IGFN1: variants seen among roughly 807,000 people sequenced by gnomAD.
The protein encoded by IGFN1 is immunoglobulin like and fibronectin type III domain containing 1.
IGFN1 carries 253 observed loss-of-function variants against 289.5 expected under a neutral mutation model. The ratio of observed to expected loss-of-function variants is 0.87; its 90% CI spans 0.79 to 0.97. IGFN1 has a LOEUF of 0.97. Among genes scored for constraint, IGFN1 ranks in the 50% least tolerant of loss-of-function variants. The probability of loss-of-function intolerance (pLI) is 0.00; values close to 1 mark genes in which losing one functional copy is unlikely to be tolerated. For missense variants in IGFN1, 4,470 were observed against 4,686.1 expected (o/e 0.95, Z 1.35); for synonymous variants, 1,706 against 1,788.5 (o/e 0.95, Z 1.16).
In IGFN1 at chr1:201,212,066, A is replaced by T; in HGVS notation, c.7173A>T (p.Gly2391=). 1 of 1,536,346 alleles carries T rather than the reference A, an allele frequency of 6.5e-7. No individual in the cohort carries two copies. Among genetic ancestry groups the T allele is most frequent in the Non-Finnish European group, 8.7e-7 (1 of 1,146,754 alleles). The part of the protein sequence containing the change: ...RGHKAMGHRS[G]YWVASEGDTN... ...ATAAAGCCATGGGTCACAGGTCAGG[A>T]TATTGGGTAGCATCAGAGGGTGACA... Residue 2391 remains glycine, a synonymous_variant, in exon 12 of 24, where the codon GGA becomes GGT. Transcript: ENST00000335211.
In IGFN1 at chr1:201,209,490, G is replaced by T. The variant is rs1245966395; in HGVS notation, c.4597G>T (p.Asp1533Tyr). Reference sequence around the variant, plus strand: ...TGTGGATAAGGCAGGCTATAGGAAGGATTTGGGGGCTTCTGAGGCAATAGG... The same window carrying T: ...TGTGGATAAGGCAGGCTATAGGAAGTATTTGGGGGCTTCTGAGGCAATAGG... ...GSVDKAGYRK[D>Y]LGASEAIGSG... Residue 1533 changes from aspartate (D) to tyrosine (Y), a missense_variant, in exon 12 of 24, where the codon GAT becomes TAT. Asp to Tyr is a radical substitution (Grantham distance 160). This residue lies in a region of IGFN1 where 2,011 missense variants were observed against 1,953.4 expected (regional missense o/e 1.03). Transcript: ENST00000335211. The T allele has an allele frequency of 4.6e-6, 7 of 1,536,886 alleles. No individual in the cohort carries two copies. Among genetic ancestry groups the T allele is most frequent in the Admixed American group, 2.0e-5 (1 of 50,982 alleles).
Position 201,209,042 on chromosome 1 carries a change from G to T in IGFN1, c.4149G>T (p.Gly1383=). ...AAACAGATAATAGGAAAGATTTGGG[G>T]GTTCCTGAGGGAATGGGTGCAGGTT... ...MDETDNRKDL[G]VPEGMGAGYR... Residue 1383 remains glycine, a synonymous_variant, in exon 12 of 24, where the codon GGG becomes GGT. Transcript: ENST00000335211. 1 of 1,536,744 alleles carries T rather than the reference G, an allele frequency of 6.5e-7. No individual in the cohort carries two copies. Among genetic ancestry groups the T allele is most frequent in the East Asian group, 2.4e-5 (1 of 40,886 alleles).
At position 201,222,834 on chromosome 1, in the gene IGFN1, G is replaced by A. The variant is rs759227022; in HGVS notation, c.10290+7G>A. 1.9e-6 allele frequency: 3 copies of A among 1,604,598 alleles called. No individual in the cohort carries two copies. Among genetic ancestry groups the A allele is most frequent in the South Asian group, 1.1e-5 (1 of 90,332 alleles). Reference sequence around the variant, plus strand: ...TGTGCCCGTCTCCTTTGAAGTGAGTGTACCTGCAGGGGTGTGGGGAGGGAA... The same window carrying A: ...TGTGCCCGTCTCCTTTGAAGTGAGTATACCTGCAGGGGTGTGGGGAGGGAA... On this transcript the variant is annotated splice_region_variant and intron_variant, in intron 20 of 23. Coordinates refer to ENST00000335211, the MANE Select transcript of IGFN1 (RefSeq NM_001164586.2).
At chr1:201,223,066 A>G in intron 20 of IGFN1, 2 of 378,212 alleles carry the variant, frequency 5.3e-6, no homozygotes, top group Non-Finnish European at 9.5e-6. Flanking sequence ...CAGGCCTGCA[A>G]ATCCCTCTAG....
rs536703268 is a variant in IGFN1, at chr1:201,228,489, C to A, written c.*90C>A. Reference sequence around the variant, plus strand: ...GGGAAGCCAATCCCAAGGATGGAGGCTGTGCCCAGAGCCCCAGGAAAATGG... The same window carrying A: ...GGGAAGCCAATCCCAAGGATGGAGGATGTGCCCAGAGCCCCAGGAAAATGG... On this transcript the variant is annotated 3_prime_UTR_variant, in exon 24 of 24. Transcript: ENST00000335211. 2 of 1,380,756 alleles carry A rather than the reference C, an allele frequency of 1.4e-6. No individual in the cohort carries two copies. Among genetic ancestry groups the A allele is most frequent in the Non-Finnish European group, 2.1e-6 (2 of 967,428 alleles). The allele number at this position is 1,380,756 out of a possible 1,614,324, so 85.5% of individuals were successfully genotyped here. A position where few individuals can be genotyped will look rare whatever the true frequency, so the allele number is the denominator to read the frequency against.
rs1250464068 is a variant in IGFN1, at chr1:201,206,327, A to C, written c.1434A>C (p.Thr478=). 76 of 1,550,264 alleles carry C rather than the reference A, an allele frequency of 4.9e-5. No homozygotes were observed. Among genetic ancestry groups the C allele is most frequent in the Non-Finnish European group, 6.5e-5 (74 of 1,146,982 alleles). The change falls in exon 12 of 24, where the codon ACA becomes ACC. Residue 478 remains threonine (T), a synonymous_variant. Coordinates refer to ENST00000335211, the MANE Select transcript of IGFN1 (RefSeq NM_001164586.2). ...HGYSLMGDKG[T]ADSAWGPGQE... ...ACTCCTTGATGGGGGACAAAGGGAC[A>C]GCTGACTCAGCCTGGGGCCCTGGAC...
At chr1:201,193,731 C>A (rs1034595202) in intron 2 of IGFN1, among the ~76,000 whole-genome samples, 3 of 152,182 alleles carry the variant, frequency 2.0e-5, no homozygotes, top group African/African-American at 7.2e-5. Flanking sequence ...GGATTACTGG[C>A]GTAAGCCACC....
Position 201,211,966 on chromosome 1 carries a change from A to T in IGFN1, c.7073A>T (p.Tyr2358Phe). 4 of 1,533,882 alleles carry T rather than the reference A, an allele frequency of 2.6e-6. No individual in the cohort carries two copies. Among genetic ancestry groups the T allele is most frequent in the Non-Finnish European group, 3.5e-6 (4 of 1,145,370 alleles). ...GETGPEGKMG[Y>F]GDGSGRLGVP... ...ACGGGACCAGAGGGTAAGATGGGTT[A>T]TGGAGATGGTTCAGGGAGGCTTGGA... The change falls in exon 12 of 24, where the codon TAT (tyrosine) becomes TTT (phenylalanine). Residue 2358 changes from tyrosine (Y) to phenylalanine (F), a missense_variant. Coordinates refer to ENST00000335211, the MANE Select transcript of IGFN1 (RefSeq NM_001164586.2).
At position 201,228,595 on chromosome 1, in the gene IGFN1, C is replaced by A. The variant is rs1477704331; in HGVS notation, c.*196C>A. On this transcript the variant is annotated 3_prime_UTR_variant, in exon 24 of 24. Transcript: ENST00000335211. Reference sequence around the variant, plus strand: ...AGAAAAACAAGGGAGGAGGGCATTCCACCTCCTGGCTCCAAGCTAAGTCAC... The same window carrying A: ...AGAAAAACAAGGGAGGAGGGCATTCAACCTCCTGGCTCCAAGCTAAGTCAC... 3 of 633,380 alleles carry A rather than the reference C, an allele frequency of 4.7e-6. No homozygotes were observed. Among genetic ancestry groups the A allele is most frequent in the Non-Finnish European group, 8.5e-6 (3 of 351,122 alleles). 39.2% of individuals were successfully genotyped at this position (633,380 alleles called of 1,614,324 possible).
chr1:201,204,150 A>G lies in IGFN1; in HGVS notation c.916+244A>G, dbSNP rs116578944. Among the ~76,000 whole-genome samples, 305 of 152,308 alleles carry G rather than the reference A, an allele frequency of 2.0e-3. 1 individual carries two copies. Among genetic ancestry groups the G allele is most frequent in the African/African-American group, 7.0e-3 (291 of 41,558 alleles). ...TGAATTACTGTCACAGACATAGAAC[A>G]TATGTGTCATGCCTCTGCTTAGACC... is the stretch of plus-strand genomic sequence containing the variant. On this transcript the variant is annotated intron_variant, in intron 10 of 23. Coordinates refer to ENST00000335211, the MANE Select transcript of IGFN1 (RefSeq NM_001164586.2).
chr1:201,211,892 G>A lies in IGFN1; in HGVS notation c.6999G>A (p.Gly2333=), dbSNP rs763203515. ...GCTTTGGGGGAACTAGTGGCATGGGGTCAGGGAGTGAGGTCAGTTATAGAG... is the reference window on the plus strand; with the variant it reads ...GCTTTGGGGGAACTAGTGGCATGGGATCAGGGAGTGAGGTCAGTTATAGAG... The part of the protein sequence containing the change: ...RQGFGGTSGM[G]SGSEVSYRGG... Residue 2333 remains glycine, a synonymous_variant, in exon 12 of 24, where the codon GGG becomes GGA. Coordinates refer to ENST00000335211, the MANE Select transcript of IGFN1 (RefSeq NM_001164586.2). 1 of 1,530,328 alleles carries A rather than the reference G, an allele frequency of 6.5e-7. No homozygotes were observed. The highest frequency in any genetic ancestry group is 1.2e-5 in the South Asian group (1 of 82,914). 94.8% of individuals were successfully genotyped at this position (1,530,328 alleles called of 1,614,324 possible).
rs540203733 is a variant in IGFN1, at chr1:201,191,219, C to A, written c.-48+312C>A. Among the ~76,000 whole-genome samples the A allele has an allele frequency of 1.4e-3, 208 of 152,104 alleles. 2 individuals carry two copies. Among genetic ancestry groups the A allele is most frequent in the Non-Finnish European group, 1.6e-3 (111 of 68,022 alleles). Reference sequence around the variant, plus strand: ...CCAGATTAAAAATATCACTAGCAGTCCAGAATAAGGACCTCGGGCTGGGAC... The same window carrying A: ...CCAGATTAAAAATATCACTAGCAGTACAGAATAAGGACCTCGGGCTGGGAC... On this transcript the variant is annotated intron_variant, in intron 1 of 23. Coordinates refer to ENST00000335211, the MANE Select transcript of IGFN1 (RefSeq NM_001164586.2).
At position 201,213,357 on chromosome 1, in the gene IGFN1, CA is replaced by C; in HGVS notation, c.8465del (p.Gln2822ArgfsTer36). Reference protein sequence around the residue: ...PGSLRSRSQAQSGAEVGGGKR... With the variant: ...PGSLRSRSQAXSGAEVGGGKR... ...CTCACTCAGGAGCAGGTCTCAGGCA[CA>C]GTCAGGGGCTGAGGTTGGAGGAGGA... On this transcript the variant is annotated frameshift_variant, in exon 12 of 24. Coordinates refer to ENST00000335211, the MANE Select transcript of IGFN1 (RefSeq NM_001164586.2). LOFTEE classifies it high-confidence loss of function. 1.2e-6 allele frequency: 2 copies of C among 1,609,812 alleles called. No individual in the cohort carries two copies. Among genetic ancestry groups the C allele is most frequent in the South Asian group, 2.2e-5 (2 of 90,330 alleles).
Position 201,214,249 on chromosome 1 carries a change from G to A in IGFN1, c.8801G>A (p.Cys2934Tyr), listed in dbSNP as rs1369086051. 4 of 1,613,672 alleles carry A rather than the reference G, an allele frequency of 2.5e-6. 1 individual carries two copies. The East Asian group carries it at 8.9e-5, about 36-fold the overall frequency. Residue 2934 changes from cysteine to tyrosine, a missense_variant, in exon 13 of 24, where the codon TGT becomes TAT. Physicochemically the swap from Cys to Tyr is radical, Grantham distance 194. Transcript: ENST00000335211. ...VQPGEAATLS[C>Y]TLTSDLGPGT... is the part of the protein sequence containing the mutation. ...CCGGGGGAGGCCGCCACACTCTCCT[G>A]TACCCTCACCAGTGACCTGGGACCT... is the stretch of plus-strand genomic sequence containing the variant.
intron 7 of IGFN1, 117 bp downstream of exon 7, chr1:201,199,771 G>A (rs1042363332): frequency 1.2e-6 from 1 of 825,366 alleles, no homozygotes; most frequent in Non-Finnish European, 1.9e-6. Flanking sequence ...CAGGGAGCTA[G>A]ACTGCCAGTA....
At position 201,211,885 on chromosome 1, in the gene IGFN1, G is replaced by T; in HGVS notation, c.6992G>T (p.Gly2331Val). 6.5e-7 allele frequency: 1 copy of T among 1,531,744 alleles called. No individual in the cohort carries two copies. The highest frequency in any genetic ancestry group is 1.4e-5 in the African/African-American group (1 of 72,868). The allele number at this position is 1,531,744 out of a possible 1,614,324, so 94.9% of individuals were successfully genotyped here. A position where few individuals can be genotyped will look rare whatever the true frequency, so the allele number is the denominator to read the frequency against. The stretch of plus-strand genomic sequence containing the variant: ...AGGCAAGGCTTTGGGGGAACTAGTG[G>T]CATGGGGTCAGGGAGTGAGGTCAGT... ...GSRQGFGGTS[G>V]MGSGSEVSYR... Residue 2331 changes from glycine (G) to valine (V), a missense_variant, in exon 12 of 24, where the codon GGC (glycine) becomes GTC (valine). Physicochemically the swap from Gly to Val is moderately radical, Grantham distance 109 (BLOSUM62 -3). This residue lies in a region of IGFN1 where 2,218 missense variants were observed against 2,114.1 expected (regional missense o/e 1.05). Coordinates refer to ENST00000335211, the MANE Select transcript of IGFN1 (RefSeq NM_001164586.2).
At chr1:201,226,206 C>T (rs1321736702) in intron 22 of IGFN1, 83 bp downstream of exon 22, 22 of 1,396,336 alleles carry the variant, frequency 1.6e-5, no homozygotes, top group Middle Eastern at 2.2e-4. Flanking sequence ...GCATGGCAAG[C>T]GCGCAGGATA....
chr1:201,201,367 T>C (rs549902703), intron 8 of IGFN1, among the ~76,000 whole-genome samples: 6 of 152,336 alleles, frequency 3.9e-5, no homozygotes, highest in South Asian at 2.1e-4. Flanking sequence ...GGTCTCAGCC[T>C]TCTCTCCTCC....
In IGFN1 at chr1:201,197,308, G is replaced by T; in HGVS notation, c.358G>T (p.Val120Phe). Residue 120 changes from valine to phenylalanine, a missense_variant, in exon 5 of 24, where the codon GTC becomes TTC. Coordinates refer to ENST00000335211, the MANE Select transcript of IGFN1 (RefSeq NM_001164586.2). Reference sequence around the variant, plus strand: ...GGCCGCTTGCTCAGTGAGACTCACTGTCATCGAAGGTGGGCTTTTCCCTGA... The same window carrying T: ...GGCCGCTTGCTCAGTGAGACTCACTTTCATCGAAGGTGGGCTTTTCCCTGA... Reference protein sequence around the residue: ...GEAACSVRLTVIEVGFRKNRK... With the variant: ...GEAACSVRLTFIEVGFRKNRK... The T allele has an allele frequency of 1.3e-6, 2 of 1,544,392 alleles. No individual in the cohort carries two copies. The highest frequency in any genetic ancestry group is 1.8e-6 in the Non-Finnish European group (2 of 1,140,620).
Sources: allele counts gnomAD v4.1 joint callset (sites outside exome capture counted in the v4.1 genomes callset), GRCh38; gene constraint gnomAD v4.1.1; regional missense constraint gnomAD v4.1.1; transcripts MANE v1.5; gene names NCBI Gene and HGNC (gene_info 2026-07-23, HGNC 2026-07-21).